Variants in NRAP observed in about 807,000 individuals in gnomAD.
The protein encoded by NRAP is nebulin-related-anchoring protein.
NRAP carries 189 observed loss-of-function variants against 225.9 expected under a neutral mutation model. The ratio of observed to expected loss-of-function variants is 0.84; its 90% confidence interval spans 0.74 to 0.94. The LOEUF (loss-of-function observed/expected upper bound fraction) is 0.94. Ranked by LOEUF, NRAP falls within the 40% of genes least tolerant of loss-of-function variation. The pLI, the probability that NRAP is intolerant of heterozygous loss-of-function variation, is 0.00. For missense variants in NRAP, 2,176 were observed against 2,168.7 expected, an observed-to-expected ratio of 1.00 and a Z score of -0.07; for synonymous variants, 769 against 790.7, an observed-to-expected ratio of 0.97 and a Z score of 0.46.
At chr10:113,597,836 T>C (rs1846369850) in intron 36 of NRAP, 133 bp downstream of exon 36, 2 of 703,426 alleles carry the variant, frequency 2.8e-6, no homozygotes, top group Non-Finnish European at 5.2e-6. Flanking sequence ...TGGTTGCACA[T>C]GGCCCTCCAA....
chr10:113,597,473 G>A (rs996469826), intron 36 of NRAP, among the ~76,000 whole-genome samples: 1 of 152,144 alleles, frequency 6.6e-6, no homozygotes, highest in African/African-American at 2.4e-5. Context: ...CATCAATGTG[G>A]CCCTGCTTGG....
intron 4 of NRAP, 130 bp from the exon 5 acceptor site, chr10:113,654,255 C>T: frequency 1.7e-6 from 1 of 591,066 alleles, no homozygotes; most frequent in Non-Finnish European, 3.1e-6. Context: ...TCTCAGCTAA[C>T]TGAAATGTTC....
rs150513543 is a variant in NRAP at position 113,647,019 on chromosome 10, C to T, written c.897G>A (p.Pro299=). The change falls in exon 10 of 42, where the codon CCG becomes CCA. Residue 299 remains proline (P), a synonymous_variant. Coordinates refer to ENST00000359988, the MANE Select transcript of NRAP (RefSeq NM_198060.4). ...TTCCCCTGTGCTCCTCATACTCCTC[C>T]GGGTAACCCTGCCGGGTGCATCAAA... ...ECADQYGQGY[P]EEYEEHRGKG... is the part of the protein sequence containing the mutation. 1.1e-4 allele frequency: 180 copies of T among 1,612,982 alleles called. 2 individuals carry two copies. In the Middle Eastern group the frequency reaches 2.0e-3, roughly 18 times the overall value.
intron 32 of NRAP, among the ~76,000 whole-genome samples, chr10:113,607,567 T>C (rs956379661): frequency 1.3e-5 from 2 of 152,004 alleles, no homozygotes; most frequent in African/African-American, 4.8e-5. Flanking sequence ...GCAGAAAAGA[T>C]GAAATAGGAA....
At chr10:113,639,852 CT>C (rs1377745505) in intron 14 of NRAP, among the ~76,000 whole-genome samples, 1 of 152,148 alleles carries the variant, frequency 6.6e-6, no homozygotes. Context: ...ATTTTACTTC[CT>C]TCAACTCTTA....
intron 14 of NRAP, among the ~76,000 whole-genome samples, chr10:113,639,091 CAAAAAA>C (rs60509891): frequency 0.034 from 3,947 of 115,704 alleles, 127 homozygotes; most frequent in African/African-American, 0.11. Context: ...ATGTATATAG[CAAAAAA>C]AAAAAAAAAA....
At chr10:113,652,851 T>C in intron 6 of NRAP, 84 bp downstream of exon 6, 2 of 883,562 alleles carry the variant, frequency 2.3e-6, no homozygotes, top group Non-Finnish European at 3.8e-6. Context: ...AAGCACTCTC[T>C]TACTGTTTTT....
chr10:113,608,957 G>A (rs3121452), intron 31 of NRAP, among the ~76,000 whole-genome samples: 85 of 152,210 alleles, frequency 5.6e-4, no homozygotes, highest in Non-Finnish European at 8.7e-4. Context: ...TCAGGAGTTC[G>A]AGACCATCCA....
intron 33 of NRAP, 146 bp downstream of exon 33, chr10:113,606,032 G>A (rs1035328903): frequency 5.2e-6 from 4 of 775,086 alleles, no homozygotes; most frequent in East Asian, 5.0e-5. Context: ...TCATATTTGT[G>A]AGAAGGTGTA....
chr10:113,603,892 G>GCA (rs377036588), intron 35 of NRAP, among the ~76,000 whole-genome samples: 50 of 151,844 alleles, frequency 3.3e-4, no homozygotes, highest in African/African-American at 1.1e-3. Context: ...GTACGTGCAC[G>GCA]CACACACACA....
chr10:113,618,084 C>T (rs1847774741), intron 25 of NRAP, among the ~76,000 whole-genome samples: 1 of 146,924 alleles, frequency 6.8e-6, no homozygotes, highest in South Asian at 2.1e-4. Flanking sequence ...TAAAATATTA[C>T]AATAACAGGA....
Position 113,640,341 on chromosome 10 carries a change from G to A in NRAP, c.1324-10C>T, listed in dbSNP as rs934343222. 7.1e-6 allele frequency: 10 copies of A among 1,405,680 alleles called. No homozygotes were observed. The highest frequency in any genetic ancestry group is 8.8e-6 in the Non-Finnish European group (9 of 1,018,512). 87.1% of individuals were successfully genotyped at this position (1,405,680 alleles called of 1,614,324 possible). ...CAGCTTTGTAGGCAACCTAAAACAG[G>A]AAGAAAAGAAGAAGAATGGAGAAAT... On this transcript the variant is annotated splice_polypyrimidine_tract_variant and intron_variant, in intron 13 of 41. Coordinates refer to ENST00000359988, the MANE Select transcript of NRAP (RefSeq NM_198060.4).
Position 113,662,709 on chromosome 10 carries a change from A to T in NRAP, c.225T>A (p.Asn75Lys). The change falls in exon 3 of 42, where the codon AAT becomes AAA. Residue 75 changes from asparagine (N) to lysine (K), a missense_variant. Around this residue, in one of 3 missense-constraint regions of NRAP, gnomAD observed 1,708 missense variants for 1,695.5 expected, o/e 1.01. Transcript: ENST00000359988. ...TGATGGCCTCTGGAAATGTCCTCAC[A>T]TTTAGATTTAATGGAGTGTGATAGA... The part of the protein sequence containing the change: ...TSVYHTPLNL[N>K]VRTFPEAISG... 1 of 1,599,164 alleles carries T rather than the reference A, an allele frequency of 6.3e-7. No homozygotes were observed.
intron 38 of NRAP, among the ~76,000 whole-genome samples, chr10:113,593,968 T>C (rs1354156546): frequency 6.6e-6 from 1 of 152,230 alleles, no homozygotes; most frequent in Non-Finnish European, 1.5e-5. Context: ...TGCAGGCCCC[T>C]TTCTCTGGGC....
chr10:113,604,994 T>C (rs1379703541), intron 34 of NRAP, 74 bp from the exon 35 acceptor site: 3 of 1,511,378 alleles, frequency 2.0e-6, no homozygotes, highest in Admixed American at 3.8e-5. Context: ...TCACTTGTTC[T>C]TACACTAGGA....
chr10:113,608,863 T>TAA (rs912028427), intron 31 of NRAP, among the ~76,000 whole-genome samples: 1 of 152,100 alleles, frequency 6.6e-6, no homozygotes, highest in Non-Finnish European at 1.5e-5. Flanking sequence ...ACTGCAGCTT[T>TAA]AAAAAAACAG....
chr10:113,623,675 G>T (rs750575624), intron 22 of NRAP, 39 bp from the exon 23 acceptor site: 1 of 1,352,850 alleles, frequency 7.4e-7, no homozygotes, highest in Admixed American at 1.7e-5. Flanking sequence ...GGGTTTTCAT[G>T]TGAGAGGGTT....
At chr10:113,590,480 C>T in intron 40 of NRAP, 98 bp downstream of exon 40, 1 of 1,220,734 alleles carries the variant, frequency 8.2e-7, no homozygotes, top group Non-Finnish European at 1.1e-6. Flanking sequence ...CTCAGCCCAG[C>T]TCCCCCAGAA....
In NRAP at chr10:113,641,423, C is replaced by T. The variant is rs145810864; in HGVS notation, c.1265G>A (p.Gly422Glu). Residue 422 changes from glycine (G) to glutamate (E), a missense_variant, in exon 13 of 42, where the codon GGA becomes GAA. By Grantham distance (98) the Gly-to-Glu change is moderately conservative (BLOSUM62 -2). Around this residue, in one of 3 missense-constraint regions of NRAP, gnomAD observed 1,708 missense variants for 1,695.5 expected, o/e 1.01. Transcript: ENST00000359988. ...CAGAGTGCGTCTGTCCATACCAACT[C>T]CTTCATAGCGGCCTCTCATGTGGTT... ...YQNHMRGRYEGVGMDRRTLHA... is the reference protein window; with the variant it reads ...YQNHMRGRYEEVGMDRRTLHA... 7.4e-4 allele frequency: 1,198 copies of T among 1,614,026 alleles called. 4 individuals are homozygous for T. The African/African-American group carries it at 0.011, about 15-fold the overall frequency.
Sources: gnomAD v4.1 joint callset for allele counts (sites outside exome capture counted in the v4.1 genomes callset) on GRCh38, gnomAD v4.1.1 for gene constraint, gnomAD v4.1.1 regional missense constraint, MANE v1.5 for transcripts, NCBI Gene and HGNC (gene_info 2026-07-23, HGNC 2026-07-21) for gene names.